The following NUMB variants were observed in gnomAD, a reference collection of about 807,000 sequenced individuals.
NUMB encodes the protein protein numb homolog.
Under a neutral mutation model 59.7 loss-of-function variants are expected in NUMB, and 29 were observed. The ratio of observed to expected loss-of-function variants is 0.49; its 90% CI spans 0.36 to 0.66. The LOEUF (loss-of-function observed/expected upper bound fraction) is 0.66. Among genes scored for constraint, NUMB ranks in the 30% least tolerant of loss-of-function variants. The pLI, the probability that NUMB is intolerant of heterozygous loss-of-function variation, is 0.00. For synonymous variants in NUMB, 288 were observed against 288.2 expected, an observed-to-expected ratio of 1.00 and a Z score of 0.01; for missense variants, 723 against 822.0, an observed-to-expected ratio of 0.88 and a Z score of 1.47.
In NUMB at chr14:73,355,716, C is replaced by A; in HGVS notation, c.36G>T (p.Lys12Asn). The A allele has an allele frequency of 1.2e-6, 2 of 1,613,286 alleles. No individual in the cohort carries two copies. The highest frequency in any genetic ancestry group is 2.2e-5 in the South Asian group (2 of 91,030). ...GACTGGCCTCTGGAACATAAACATCCTTCTTTCTCCTAAAACTTTGCCGTA... is the reference window on the plus strand; with the variant it reads ...GACTGGCCTCTGGAACATAAACATCATTCTTTCTCCTAAAACTTTGCCGTA... ...NKLRQSFRRK[K>N]DVYVPEASRP... is the part of the protein sequence containing the mutation. The change falls in exon 4 of 13, where the codon AAG becomes AAT. Residue 12 changes from lysine (K) to asparagine (N), a missense_variant. Lys to Asn is a moderately conservative substitution (Grantham distance 94). This residue lies in a region of NUMB where 317 missense variants were observed against 436.6 expected (regional missense o/e 0.73). Coordinates refer to ENST00000555238, the MANE Select transcript of NUMB (RefSeq NM_001005743.2).
chr14:73,450,651 C>T lies in NUMB; in HGVS notation c.-233+7842G>A, dbSNP rs565106371. On this transcript the variant is annotated intron_variant, in intron 1 of 12. Coordinates refer to ENST00000555238, the MANE Select transcript of NUMB (RefSeq NM_001005743.2). ...TTCTACTAAAAATACAAAAATTAGCCGGGCGTGGTGGCACACGCCTGTAAT... is the reference window on the plus strand; with the variant it reads ...TTCTACTAAAAATACAAAAATTAGCTGGGCGTGGTGGCACACGCCTGTAAT... Among the ~76,000 whole-genome samples, 6 of 151,812 alleles carry T rather than the reference C, an allele frequency of 4.0e-5. No homozygotes were observed. The East Asian group carries it at 9.7e-4, about 25-fold the overall frequency.
chr14:73,300,180 G>C (rs1199789061), intron 6 of NUMB, among the ~76,000 whole-genome samples: 1 of 152,136 alleles, frequency 6.6e-6, no homozygotes, highest in East Asian at 1.9e-4. Context: ...CAATGGAAAC[G>C]GAAGGCCCAA....
At chr14:73,307,003 C>G (rs1318816986) in intron 6 of NUMB, among the ~76,000 whole-genome samples, 1 of 152,006 alleles carries the variant, frequency 6.6e-6, no homozygotes, top group Non-Finnish European at 1.5e-5. Context: ...AGTGATAAAC[C>G]CTATCAGATA....
chr14:73,291,467 C>T (rs1249933176), intron 8 of NUMB, among the ~76,000 whole-genome samples: 1 of 152,066 alleles, frequency 6.6e-6, no homozygotes, highest in Non-Finnish European at 1.5e-5. Context: ...CAACCTCTGC[C>T]TCCGAGTTCA....
intron 2 of NUMB, among the ~76,000 whole-genome samples, chr14:73,406,178 T>G (rs1031542489): frequency 3.9e-5 from 6 of 151,942 alleles, no homozygotes; most frequent in Non-Finnish European, 8.8e-5. Flanking sequence ...ATGTGCCACG[T>G]TGGTGTGCTG....
At chr14:73,293,307 C>CT (rs967398769) in intron 7 of NUMB, among the ~76,000 whole-genome samples, 1 of 151,508 alleles carries the variant, frequency 6.6e-6, no homozygotes, top group Non-Finnish European at 1.5e-5. Flanking sequence ...CTGCACCTTG[C>CT]TTTTTTACAT....
rs66701940 is a variant in NUMB at position 73,387,956 on chromosome 14, CAAA to C, written c.-100-20978_-100-20976del. Among the ~76,000 whole-genome samples the C allele has an allele frequency of 6.4e-5, 6 of 94,386 alleles. No homozygotes were observed. In the South Asian group the frequency reaches 1.0e-3, roughly 16 times the overall value. The allele number at this position is 94,386 out of a possible 152,430, so 61.9% of individuals were successfully genotyped here. On this transcript the variant is annotated intron_variant, in intron 2 of 12. Coordinates refer to ENST00000555238, the MANE Select transcript of NUMB (RefSeq NM_001005743.2). ...CAACAAAGCAAGACTCTGTCTCTAC[CAAA>C]AAAAAAAAAAAAAAAAAAATTAGCT... is the stretch of plus-strand genomic sequence containing the variant.
At chr14:73,425,222 T>C (rs556332402) in intron 1 of NUMB, among the ~76,000 whole-genome samples, 2 of 152,226 alleles carry the variant, frequency 1.3e-5, no homozygotes, top group African/African-American at 4.8e-5. Context: ...CTTAAAGGAG[T>C]ATCAATTACA....
chr14:73,350,209 T>C (rs1161966082), intron 4 of NUMB, among the ~76,000 whole-genome samples: 1 of 147,936 alleles, frequency 6.8e-6, no homozygotes, highest in Non-Finnish European at 1.5e-5. Flanking sequence ...AGTCTCGGTC[T>C]ATCACCCAGG....
intron 1 of NUMB, among the ~76,000 whole-genome samples, chr14:73,440,598 C>G (rs531939770): frequency 3.3e-5 from 5 of 151,776 alleles, no homozygotes; most frequent in African/African-American, 1.2e-4. Flanking sequence ...GTAATCCCAG[C>G]ACTTTGGGAG....
chr14:73,403,261 C>T (rs966654026), intron 2 of NUMB, among the ~76,000 whole-genome samples: 1 of 152,168 alleles, frequency 6.6e-6, no homozygotes, highest in Non-Finnish European at 1.5e-5. Flanking sequence ...CAATGTTGAA[C>T]CATTAAAGCA....
At chr14:73,364,008 C>G (rs1436801460) in intron 3 of NUMB, among the ~76,000 whole-genome samples, 1 of 152,106 alleles carries the variant, frequency 6.6e-6, no homozygotes, top group Non-Finnish European at 1.5e-5. Flanking sequence ...AAAAGTCCAT[C>G]ATGACAGAGT....
intron 4 of NUMB, among the ~76,000 whole-genome samples, chr14:73,351,247 G>A (rs1893239942): frequency 6.6e-6 from 1 of 152,186 alleles, no homozygotes. Flanking sequence ...ACTGAGGCGG[G>A]CGGATCACAA....
intron 4 of NUMB, among the ~76,000 whole-genome samples, chr14:73,353,619 G>A (rs1893594903): frequency 6.6e-6 from 1 of 151,152 alleles, no homozygotes; most frequent in Non-Finnish European, 1.5e-5. Context: ...GGCTGAGGCA[G>A]GAGAATCGTT....
At chr14:73,341,847 A>AC (rs1333181777) in intron 4 of NUMB, among the ~76,000 whole-genome samples, 1 of 152,220 alleles carries the variant, frequency 6.6e-6, no homozygotes, top group Non-Finnish European at 1.5e-5. Flanking sequence ...ACAATATAGT[A>AC]CTTAGGGAGA....
intron 2 of NUMB, among the ~76,000 whole-genome samples, chr14:73,371,667 T>G (rs1326670414): frequency 6.6e-6 from 1 of 152,198 alleles, no homozygotes; most frequent in African/African-American, 2.4e-5. Flanking sequence ...GTTACAGTAT[T>G]AAGAGGTGGA....
At chr14:73,286,978 A>C in intron 9 of NUMB, 132 bp downstream of exon 9, 1 of 859,014 alleles carries the variant, frequency 1.2e-6, no homozygotes, top group Middle Eastern at 2.2e-4. Flanking sequence ...AAGATTTTCA[A>C]CTTTGTTATA....
chr14:73,282,105 A>C, intron 11 of NUMB: 1 of 405,702 alleles, frequency 2.5e-6, no homozygotes, highest in East Asian at 4.2e-5. Flanking sequence ...GTAGGTTGGG[A>C]CTACAGAAAT....
chr14:73,367,279 CTATA>C (rs748523624), intron 2 of NUMB, among the ~76,000 whole-genome samples: 6 of 122,576 alleles, frequency 4.9e-5, no homozygotes, highest in East Asian at 2.1e-4. Flanking sequence ...AAATAAAATA[CTATA>C]TATATATATA....
Sources: gnomAD v4.1 joint callset for allele counts (sites outside exome capture counted in the v4.1 genomes callset) on GRCh38, gnomAD v4.1.1 for gene constraint, gnomAD v4.1.1 regional missense constraint, MANE v1.5 for transcripts, NCBI Gene and HGNC (gene_info 2026-07-23, HGNC 2026-07-21) for gene names.